The following SOAT1 variants were observed in gnomAD, a reference collection of about 807,000 sequenced individuals.
The protein encoded by SOAT1 is sterol O-acyltransferase 1.
A neutral mutation model predicts 69.5 loss-of-function variants in SOAT1; 55 were observed. The observed-to-expected ratio is 0.79, with a 90% CI of 0.64 to 0.99. The LOEUF (loss-of-function observed/expected upper bound fraction) is 0.99, where lower values mean the gene tolerates loss of function less well. Ranked by LOEUF, SOAT1 falls within the 50% of genes least tolerant of loss-of-function variation. The probability of loss-of-function intolerance (pLI) is 0.00; values close to 1 mark genes in which losing one functional copy is unlikely to be tolerated. For synonymous variants in SOAT1, 231 were observed against 224.7 expected (o/e 1.03, Z -0.25); for missense variants, 580 against 669.3 (o/e 0.87, Z 1.47).
In SOAT1 at chr1:179,353,680, G is replaced by C; in HGVS notation, c.*39G>C. On this transcript the variant is annotated 3_prime_UTR_variant, in exon 16 of 16. Coordinates refer to ENST00000367619, the MANE Select transcript of SOAT1 (RefSeq NM_003101.6). ...GTTTCCTCCTTGTCACTGAAGATTGGGTAGCTCCCTGATTTGGAGCCAGCT... is the reference window on the plus strand; with the variant it reads ...GTTTCCTCCTTGTCACTGAAGATTGCGTAGCTCCCTGATTTGGAGCCAGCT... The C allele has an allele frequency of 6.5e-7, 1 of 1,532,610 alleles. No individual in the cohort carries two copies. Among genetic ancestry groups the C allele is most frequent in the South Asian group, 1.1e-5 (1 of 89,228 alleles). 94.9% of individuals were successfully genotyped at this position (1,532,610 alleles called of 1,614,324 possible). A position where few individuals can be genotyped will look rare whatever the true frequency, so the allele number is the denominator to read the frequency against.
chr1:179,343,399 G>C (rs972129364), intron 9 of SOAT1, among the ~76,000 whole-genome samples, 191 bp from the exon 10 acceptor site: 1 of 150,450 alleles, frequency 6.6e-6, no homozygotes, highest in Admixed American at 6.6e-5. Flanking sequence ...TGGTTTTTTT[G>C]TATTTTTATT....
At chr1:179,314,995 A>G (rs1665342755) in intron 2 of SOAT1, among the ~76,000 whole-genome samples, 1 of 152,136 alleles carries the variant, frequency 6.6e-6, no homozygotes, top group African/African-American at 2.4e-5. Flanking sequence ...CAGATAGCAA[A>G]TAACTGACTC....
intron 2 of SOAT1, among the ~76,000 whole-genome samples, chr1:179,314,639 T>A (rs1224088485): frequency 6.6e-6 from 1 of 152,148 alleles, no homozygotes; most frequent in Non-Finnish European, 1.5e-5. Context: ...TTGCTCAGGC[T>A]GGTCTCAAAC....
At chr1:179,342,011 AT>A in intron 7 of SOAT1, 102 bp from the exon 8 acceptor site, 1 of 1,463,442 alleles carries the variant, frequency 6.8e-7, no homozygotes, top group Non-Finnish European at 9.1e-7. Flanking sequence ...ACTTATCAGG[AT>A]TTTCTGACTT....
rs184267074 is a variant in SOAT1, at chr1:179,299,509, C to G, written c.-8-3168C>G. Among the ~76,000 whole-genome samples the G allele has an allele frequency of 2.2e-4, 33 of 152,040 alleles. No homozygotes were observed. In the East Asian group the frequency reaches 2.9e-3, roughly 13 times the overall value. ...AAAAGGGCAGAGGAGAAATAGCTTTCTATAGACAGGGAAGAGTATATGGGA... is the reference window on the plus strand; with the variant it reads ...AAAAGGGCAGAGGAGAAATAGCTTTGTATAGACAGGGAAGAGTATATGGGA... On this transcript the variant is annotated intron_variant, in intron 1 of 15. Transcript: ENST00000367619.
chr1:179,325,048 G>C (rs1665732284), intron 3 of SOAT1, among the ~76,000 whole-genome samples: 3 of 151,666 alleles, frequency 2.0e-5, no homozygotes, highest in Admixed American at 2.0e-4. Context: ...TGATCCTCCT[G>C]CCTTGGCCTC....
chr1:179,307,437 C>T (rs1290726389), intron 2 of SOAT1, among the ~76,000 whole-genome samples: 4 of 152,070 alleles, frequency 2.6e-5, no homozygotes, highest in South Asian at 4.1e-4. Context: ...AGGTGATGTC[C>T]GTTCTCAGAA....
rs1558052092 is a variant in SOAT1 at position 179,335,662 on chromosome 1, G to C, written c.329+5G>C. 1 of 1,606,966 alleles carries C rather than the reference G, an allele frequency of 6.2e-7. No homozygotes were observed. On this transcript the variant is annotated splice_donor_5th_base_variant and intron_variant, in intron 4 of 15. Transcript: ENST00000367619. ...GAAAAACAACCATAGAGCGAAGTAA[G>C]TATGTGCTATTTTCTTTTAATGCAA...
Position 179,350,331 on chromosome 1 carries a change from A to G in SOAT1, c.1350A>G (p.Leu450=), listed in dbSNP as rs1386224929. Residue 450 remains leucine (L), a synonymous_variant, in exon 14 of 16, where the codon TTA becomes TTG. Transcript: ENST00000367619. ...FSKRFKSAAM[L]AVFAVSAVVH... ...AGAGATTCAAATCTGCTGCCATGTT[A>G]GCTGTCTTTGCTGTATCTGCTGTAG... 1 of 1,613,880 alleles carries G rather than the reference A, an allele frequency of 6.2e-7. No individual in the cohort carries two copies.
chr1:179,353,561 C>T (rs201581668), intron 15 of SOAT1, 24 bp from the exon 16 acceptor site: 5 of 1,605,072 alleles, frequency 3.1e-6, no homozygotes, highest in East Asian at 4.5e-5. Flanking sequence ...ATTATTTTTC[C>T]ATTCTTATTT....
At chr1:179,329,783 CAAGTCTT>C (rs1315603551) in intron 3 of SOAT1, among the ~76,000 whole-genome samples, 3 of 151,826 alleles carry the variant, frequency 2.0e-5, no homozygotes, top group East Asian at 3.9e-4. Context: ...GCTGGAGAGA[CAAGTCTT>C]AAGTATTTTC....
intron 2 of SOAT1, among the ~76,000 whole-genome samples, chr1:179,322,874 C>A (rs1406656288): frequency 6.6e-6 from 1 of 152,090 alleles, no homozygotes; most frequent in East Asian, 1.9e-4. Context: ...TTAGACTTCC[C>A]ATTTTGGGCA....
intron 2 of SOAT1, among the ~76,000 whole-genome samples, chr1:179,315,275 C>A (rs1037688350): frequency 6.6e-6 from 1 of 152,006 alleles, no homozygotes; most frequent in Non-Finnish European, 1.5e-5. Context: ...CGAGGCTCTG[C>A]CTTTACAAAA....
At chr1:179,326,106 T>C (rs1665781359) in intron 3 of SOAT1, among the ~76,000 whole-genome samples, 1 of 152,200 alleles carries the variant, frequency 6.6e-6, no homozygotes, top group South Asian at 2.1e-4. Flanking sequence ...GTACATATTT[T>C]AGGGCACTTG....
In SOAT1 at chr1:179,323,473, T is replaced by C. The variant is rs556936119; in HGVS notation, c.155T>C (p.Ile52Thr). The change falls in exon 3 of 16, where the codon ATA (isoleucine) becomes ACA (threonine). Residue 52 changes from isoleucine to threonine, a missense_variant. Coordinates refer to ENST00000367619, the MANE Select transcript of SOAT1 (RefSeq NM_003101.6). ...ATAAAACAGTTGATAGCAAAGAAGA[T>C]AAAGTTGACAGCAGAGGCAGAGGCA... ...IDIKQLIAKK[I>T]KLTAEAEELK... The C allele has an allele frequency of 3.7e-6, 6 of 1,613,846 alleles. No homozygotes were observed. Among genetic ancestry groups the C allele is most frequent in the South Asian group, 3.3e-5 (3 of 91,036 alleles).
Position 179,345,008 on chromosome 1 carries a change from G to A in SOAT1, c.1049G>A (p.Arg350Gln), listed in dbSNP as rs143616084. ...IFERLCAPLF[R>Q]NIKQEPFSAR... The stretch of plus-strand genomic sequence containing the variant: ...GAAAGGCTTTGTGCCCCCTTGTTTC[G>A]GAATATCAAACAGGAGCCCTTCAGC... The change falls in exon 11 of 16, where the codon CGG (arginine) becomes CAG (glutamine). Residue 350 changes from arginine (R) to glutamine (Q), a missense_variant. Arg to Gln is a conservative substitution (Grantham distance 43, BLOSUM62 1). Transcript: ENST00000367619. 315 of 1,613,866 alleles carry A rather than the reference G, an allele frequency of 2.0e-4. No individual in the cohort carries two copies. Among genetic ancestry groups the A allele is most frequent in the East Asian group, 1.2e-3 (56 of 44,858 alleles).
At chr1:179,297,419 C>T (rs1417745684) in intron 1 of SOAT1, among the ~76,000 whole-genome samples, 1 of 152,126 alleles carries the variant, frequency 6.6e-6, no homozygotes, top group Non-Finnish European at 1.5e-5. Flanking sequence ...TCACTGCAAC[C>T]TCCGCCTCCT....
chr1:179,335,433 C>T, intron 3 of SOAT1, 73 bp from the exon 4 acceptor site: 1 of 1,302,862 alleles, frequency 7.7e-7, no homozygotes, highest in Admixed American at 2.3e-5. Context: ...TTTAAGGGAG[C>T]CCTTTAGAGA....
intron 2 of SOAT1, among the ~76,000 whole-genome samples, chr1:179,318,965 T>C (rs1041848833): frequency 6.6e-6 from 1 of 152,226 alleles, no homozygotes; most frequent in African/African-American, 2.4e-5. Context: ...TGTATATACC[T>C]AGTCCTAGGT....
Sources: gnomAD v4.1 joint callset for allele counts (sites outside exome capture counted in the v4.1 genomes callset) on GRCh38, gnomAD v4.1.1 for gene constraint, MANE v1.5 for transcripts, NCBI Gene and HGNC (gene_info 2026-07-23, HGNC 2026-07-21) for gene names.